Variants in SHTN1 observed in about 807,000 individuals in gnomAD.
SHTN1 encodes shootin 1, also known as shootin-1.
Under a neutral mutation model 83.1 loss-of-function variants are expected in SHTN1, and 42 were observed. The observed-to-expected ratio is 0.51, with a 90% confidence interval of 0.39 to 0.65. The LOEUF (loss-of-function observed/expected upper bound fraction) is 0.65, where lower values mean the gene tolerates loss of function less well. Ranked by LOEUF, SHTN1 falls within the 30% of genes least tolerant of loss-of-function variation. The pLI, the probability that SHTN1 is intolerant of heterozygous loss-of-function variation, is 0.00. For synonymous variants in SHTN1, 224 were observed against 247.7 expected (o/e 0.90, Z 0.90); for missense variants, 622 against 737.8 (o/e 0.84, Z 1.82).
At chr10:117,003,881 CTTTA>C (rs929315270) in intron 1 of SHTN1, among the ~76,000 whole-genome samples, 2 of 151,934 alleles carry the variant, frequency 1.3e-5, no homozygotes, top group African/African-American at 4.8e-5. Flanking sequence ...CCCTTTATTT[CTTTA>C]TTATTTATTA....
chr10:116,904,787 C>A (rs2133332001), intron 15 of SHTN1, among the ~76,000 whole-genome samples: 1 of 152,282 alleles, frequency 6.6e-6, no homozygotes, highest in East Asian at 1.9e-4. Flanking sequence ...GTGAGTATTG[C>A]ACATTTTGAC....
At chr10:116,978,683 A>G (rs1850901013) in intron 2 of SHTN1, among the ~76,000 whole-genome samples, 1 of 152,060 alleles carries the variant, frequency 6.6e-6, no homozygotes, top group Non-Finnish European at 1.5e-5. Flanking sequence ...TTTGTAAGGT[A>G]AGTAGAATTC....
chr10:116,987,570 T>C (rs1271287259), intron 1 of SHTN1, among the ~76,000 whole-genome samples: 16 of 152,068 alleles, frequency 1.1e-4, no homozygotes. Context: ...TACATACATA[T>C]GATTCCAATT....
chr10:116,974,364 T>G (rs550763409), intron 2 of SHTN1, among the ~76,000 whole-genome samples: 3 of 152,374 alleles, frequency 2.0e-5, no homozygotes, highest in African/African-American at 7.2e-5. Flanking sequence ...GCATAATGGA[T>G]GCATATCTTG....
chr10:116,887,689 T>C (rs1461952204), intron 16 of SHTN1, among the ~76,000 whole-genome samples: 1 of 152,222 alleles, frequency 6.6e-6, no homozygotes, highest in Admixed American at 6.5e-5. Context: ...AATTGTTTCC[T>C]GTCTGTCTCT....
At chr10:116,912,361 A>G (rs947934824) in intron 13 of SHTN1, among the ~76,000 whole-genome samples, 25 of 152,350 alleles carry the variant, frequency 1.6e-4, no homozygotes, top group African/African-American at 5.5e-4. Context: ...ACAAGAGGAC[A>G]GAGTCGAGAG....
chr10:117,045,378 G>C (rs1229823515), intron 2 of SHTN1, among the ~76,000 whole-genome samples: 1 of 152,092 alleles, frequency 6.6e-6, no homozygotes, highest in African/African-American at 2.4e-5. Flanking sequence ...AGAGGCACAG[G>C]CTCACGAAAA....
chr10:117,029,831 TTTC>T, intron 2 of SHTN1, among the ~76,000 whole-genome samples: 1 of 145,604 alleles, frequency 6.9e-6, no homozygotes, highest in African/African-American at 2.8e-5. Flanking sequence ...CAGTTAAACC[TTTC>T]TTTCTTTCTT....
chr10:117,068,624 AAAG>A (rs1853038564), intron 1 of SHTN1, among the ~76,000 whole-genome samples: 1 of 145,378 alleles, frequency 6.9e-6, no homozygotes, highest in South Asian at 2.4e-4. Context: ...AAAAAAAAAA[AAAG>A]AGTCATCAAT....
At chr10:116,989,099 T>C (rs981462695) in intron 1 of SHTN1, among the ~76,000 whole-genome samples, 2 of 152,192 alleles carry the variant, frequency 1.3e-5, no homozygotes, top group African/African-American at 4.8e-5. Context: ...AAAATGAACT[T>C]TTCCTACAGC....
chr10:116,895,782 T>C (rs890979135), intron 16 of SHTN1, among the ~76,000 whole-genome samples: 2 of 152,250 alleles, frequency 1.3e-5, no homozygotes, highest in African/African-American at 4.8e-5. Flanking sequence ...AAGTGCAATT[T>C]GATCTAAATG....
intron 6 of SHTN1, among the ~76,000 whole-genome samples, chr10:116,950,745 C>T (rs1229071262): frequency 6.6e-6 from 1 of 152,138 alleles, no homozygotes; most frequent in South Asian, 2.1e-4. Flanking sequence ...CATTGTCCAA[C>T]GGTAAGGTCC....
chr10:116,930,384 T>C (rs1203324961), intron 9 of SHTN1, among the ~76,000 whole-genome samples: 1 of 152,128 alleles, frequency 6.6e-6, no homozygotes, highest in African/African-American at 2.4e-5. Flanking sequence ...CTCTCTCTCC[T>C]CCCACCCTCC....
intron 7 of SHTN1, among the ~76,000 whole-genome samples, chr10:116,945,935 T>C (rs1295607378): frequency 6.6e-6 from 1 of 152,144 alleles, no homozygotes; most frequent in Non-Finnish European, 1.5e-5. Flanking sequence ...TCCACATGCA[T>C]GAATCTCACA....
Position 116,930,036 on chromosome 10 carries a change from G to A in SHTN1, c.859-34C>T, listed in dbSNP as rs1012308453. On this transcript the variant is annotated intron_variant, in intron 9 of 16. Coordinates refer to ENST00000355371, the MANE Select transcript of SHTN1 (RefSeq NM_001127211.3). The stretch of plus-strand genomic sequence containing the variant: ...TATTTAAAAAAAAAAGACTTTTATG[G>A]CTGACAGTTTTTCCTTTGTCAAAGA... The A allele has an allele frequency of 7.8e-6, 11 of 1,413,222 alleles. No homozygotes were observed. The African/African-American group carries it at 1.2e-4, about 15-fold the overall frequency. 87.5% of individuals were successfully genotyped at this position (1,413,222 alleles called of 1,614,324 possible).
At chr10:117,045,023 A>C (rs1049407018) in intron 2 of SHTN1, among the ~76,000 whole-genome samples, 3 of 152,216 alleles carry the variant, frequency 2.0e-5, no homozygotes, top group Non-Finnish European at 2.9e-5. Context: ...GATTAGCAGG[A>C]TATACTGACA....
At chr10:117,050,697 TAAA>T (rs150708766) in intron 1 of SHTN1, among the ~76,000 whole-genome samples, 1 of 143,300 alleles carries the variant, frequency 7.0e-6, no homozygotes. Context: ...CTAGAATGAC[TAAA>T]AAAAAAAAGG....
chr10:116,975,660 CATAAA>C (rs1302351358), intron 2 of SHTN1, among the ~76,000 whole-genome samples: 3 of 149,724 alleles, frequency 2.0e-5, no homozygotes, highest in African/African-American at 7.4e-5. Context: ...AAAAAAAAAA[CATAAA>C]AGAGTCAGCA....
chr10:116,901,093 T>C lies in SHTN1; in HGVS notation c.1673+672A>G, dbSNP rs1847715084. On this transcript the variant is annotated intron_variant, in intron 16 of 16. Coordinates refer to ENST00000355371, the MANE Select transcript of SHTN1 (RefSeq NM_001127211.3). ...TCTGATTTGTCTCACCTCTTCCTTT[T>C]CTTTAAGTGACAAACTAGCTGACAT... The C allele has an allele frequency of 4.1e-6, 4 of 985,234 alleles. No individual in the cohort carries two copies. In the Admixed American group the frequency reaches 1.8e-4, roughly 45 times the overall value. The allele number at this position is 985,234 out of a possible 1,614,324, so 61.0% of individuals were successfully genotyped here.
Sources: gnomAD v4.1 joint callset for allele counts (sites outside exome capture counted in the v4.1 genomes callset) on GRCh38, gnomAD v4.1.1 for gene constraint, MANE v1.5 for transcripts, NCBI Gene and HGNC (gene_info 2026-07-23, HGNC 2026-07-21) for gene names.